Variants in RARB observed in about 807,000 individuals in gnomAD.
RARB encodes the protein HBV-activated protein.
In RARB, 17 loss-of-function variants were observed where a neutral mutation model predicts 51.9. That is an observed-to-expected ratio of 0.33 (90% CI 0.22 to 0.49). The LOEUF is 0.49. RARB is among the 20% of genes least tolerant of loss of function. The probability of loss-of-function intolerance (pLI) is 0.99; values close to 1 mark genes in which losing one functional copy is unlikely to be tolerated. For synonymous variants in RARB, 215 were observed against 195.4 expected, an observed-to-expected ratio of 1.10 and a Z score of -0.84; for missense variants, 369 against 550.8, an observed-to-expected ratio of 0.67 and a Z score of 3.30.
chr3:25,063,655 A>G (rs563372339), intron 3 of RARB, among the ~76,000 whole-genome samples: 1 of 152,022 alleles, frequency 6.6e-6, no homozygotes, highest in South Asian at 2.1e-4. Context: ...AAAGACTACC[A>G]CAGTCATAAA....
At chr3:24,928,244 A>G (rs979068206) in intron 2 of RARB, among the ~76,000 whole-genome samples, 6 of 151,970 alleles carry the variant, frequency 3.9e-5, no homozygotes, top group African/African-American at 1.4e-4. Flanking sequence ...TTCACCCCTT[A>G]TAAAAGTATC....
intron 4 of RARB, among the ~76,000 whole-genome samples, chr3:25,576,628 C>T (rs572759626): frequency 6.6e-6 from 1 of 152,312 alleles, no homozygotes; most frequent in Non-Finnish European, 1.5e-5. Context: ...AATCCTGCGG[C>T]ATCACTCTTG....
intron 2 of RARB, among the ~76,000 whole-genome samples, chr3:24,891,772 C>G (rs1703381968): frequency 6.6e-6 from 1 of 152,008 alleles, no homozygotes; most frequent in Non-Finnish European, 1.5e-5. Context: ...GTTAAACATC[C>G]TAGAGTAGAT....
At chr3:25,110,155 A>G (rs1036648302) in intron 3 of RARB, among the ~76,000 whole-genome samples, 7 of 152,180 alleles carry the variant, frequency 4.6e-5, no homozygotes, top group Non-Finnish European at 1.0e-4. Context: ...AATCCCTACA[A>G]ATGGGATATG....
intron 1 of RARB, among the ~76,000 whole-genome samples, chr3:24,849,376 G>A (rs1314920968): frequency 1.3e-5 from 2 of 152,328 alleles, no homozygotes; most frequent in Admixed American, 6.5e-5. Flanking sequence ...CTGTGCCTGT[G>A]GCAGAGCTTA....
At chr3:25,139,928 C>T (rs1700083604) in intron 4 of RARB, among the ~76,000 whole-genome samples, 1 of 152,158 alleles carries the variant, frequency 6.6e-6, no homozygotes, top group South Asian at 2.1e-4. Flanking sequence ...AGTGGAACAA[C>T]AAAGTGTGGA....
At chr3:25,171,659 A>AAAAAAAAAAAAAAAAG (rs1413499895) in intron 4 of RARB, among the ~76,000 whole-genome samples, 2 of 147,398 alleles carry the variant, frequency 1.4e-5, no homozygotes, top group Non-Finnish European at 1.5e-5. Flanking sequence ...AAAAAAAAAA[A>AAAAAAAAAAAAAAAAG]AACAGCTTTA....
chr3:25,118,905 T>C (rs1207929410), intron 3 of RARB, among the ~76,000 whole-genome samples: 1 of 152,136 alleles, frequency 6.6e-6, no homozygotes, highest in Non-Finnish European at 1.5e-5. Context: ...AAAGCATCTA[T>C]AACCAAATGC....
intron 3 of RARB, among the ~76,000 whole-genome samples, chr3:25,522,528 C>T (rs1698447542): frequency 6.6e-6 from 1 of 152,220 alleles, no homozygotes; most frequent in South Asian, 2.1e-4. Flanking sequence ...GGAAAGGTGG[C>T]AGGTTACATC....
intron 3 of RARB, among the ~76,000 whole-genome samples, chr3:25,064,675 C>G (rs1233511426): frequency 1.3e-5 from 2 of 151,984 alleles, no homozygotes; most frequent in Admixed American, 1.3e-4. Context: ...GTGGTTTTTC[C>G]AAATTATATT....
intron 5 of RARB, among the ~76,000 whole-genome samples, chr3:25,282,261 C>G (rs182239113): frequency 4.6e-5 from 7 of 152,316 alleles, no homozygotes; most frequent in Non-Finnish European, 7.3e-5. Context: ...TTCAAATTCC[C>G]CAGTCACACT....
chr3:25,299,347 A>C (rs1030108214), intron 5 of RARB, among the ~76,000 whole-genome samples: 1 of 152,082 alleles, frequency 6.6e-6, no homozygotes, highest in African/African-American at 2.4e-5. Context: ...ACAGGCATGC[A>C]CCACCATGCG....
At chr3:25,075,025 A>G (rs1230448196) in intron 3 of RARB, among the ~76,000 whole-genome samples, 1 of 152,204 alleles carries the variant, frequency 6.6e-6, no homozygotes, top group African/African-American at 2.4e-5. Flanking sequence ...TCAGGTTTGA[A>G]AAACTGTTGA....
chr3:25,080,346 C>G (rs7651419), intron 3 of RARB, among the ~76,000 whole-genome samples: 151,684 of 152,338 alleles, frequency 1, 75,516 homozygotes, highest in East Asian at 1. Context: ...ACAAACACTT[C>G]AGATATTTCC....
chr3:25,230,218 G>A (rs1247583370), intron 5 of RARB, among the ~76,000 whole-genome samples: 1 of 152,062 alleles, frequency 6.6e-6, no homozygotes, highest in Non-Finnish European at 1.5e-5. Context: ...ATTAAGAACA[G>A]CAAGATTATT....
chr3:25,570,906 G>A lies in RARB; in HGVS notation c.609+988G>A, dbSNP rs111473988. ...TTCTAGAAAAATGATAGCATGGGAG[G>A]TCCTGAAGATCAAAAGACAAAATAG... On this transcript the variant is annotated intron_variant, in intron 4 of 7. Transcript: ENST00000330688. 8.1e-3 allele frequency among the ~76,000 whole-genome samples: 1,229 copies of A among 151,898 alleles called. 3 individuals are homozygous for A. The highest frequency in any genetic ancestry group is 0.013 in the Admixed American group (199 of 15,234).
At chr3:25,290,416 A>G (rs1159648686) in intron 5 of RARB, among the ~76,000 whole-genome samples, 3 of 152,100 alleles carry the variant, frequency 2.0e-5, no homozygotes, top group African/African-American at 4.8e-5. Context: ...TTGATTTCAC[A>G]CTGCTAGCCT....
intron 2 of RARB, among the ~76,000 whole-genome samples, chr3:25,465,754 G>A (rs79012612): frequency 0.027 from 4,173 of 152,114 alleles, 75 homozygotes; most frequent in Non-Finnish European, 0.042. Context: ...TTGTGTAGGG[G>A]ACAAAGAGTA....
intron 5 of RARB, among the ~76,000 whole-genome samples, chr3:25,358,838 CA>C (rs1705833762): frequency 6.6e-6 from 1 of 152,070 alleles, no homozygotes; most frequent in South Asian, 2.1e-4. Context: ...CCGACTTGAT[CA>C]TGGTGAATAA....
Sources: gnomAD v4.1 joint callset for allele counts (sites outside exome capture counted in the v4.1 genomes callset) on GRCh38, gnomAD v4.1.1 for gene constraint, MANE v1.5 for transcripts, NCBI Gene and HGNC (gene_info 2026-07-23, HGNC 2026-07-21) for gene names.